Variants in AMY2B observed in about 807,000 individuals in gnomAD.
AMY2B encodes the protein amylase alpha 2B, also known as alpha-amylase 2B.
AMY2B carries 63 observed loss-of-function variants against 59.3 expected under a neutral mutation model. The ratio of observed to expected loss-of-function variants is 1.06; its 90% CI spans 0.87 to 1.31. The LOEUF (loss-of-function observed/expected upper bound fraction) is 1.31. Among genes scored for constraint, AMY2B ranks in the 50% most tolerant of loss-of-function variants. The pLI, the probability that AMY2B is intolerant of heterozygous loss-of-function variation, is 0.00. For missense variants in AMY2B, 635 were observed against 626.7 expected (o/e 1.01, Z -0.14); for synonymous variants, 180 against 198.1 (o/e 0.91, Z 0.77).
chr1:103,559,272 A>G (rs1173182796), intron 1 of AMY2B, among the ~76,000 whole-genome samples: 1 of 152,224 alleles, frequency 6.6e-6, no homozygotes, highest in Non-Finnish European at 1.5e-5. Flanking sequence ...TAGGTACACA[A>G]GTACACTGTG....
upstream of AMY2B, among the ~76,000 whole-genome samples, chr1:103,566,958 T>C (rs939880866): frequency 2.1e-4 from 32 of 152,186 alleles, no homozygotes; most frequent in African/African-American, 7.7e-4. Context: ...TAAGACAATG[T>C]CAATCATTTT....
At chr1:103,575,406 G>C in intron 6 of AMY2B, 35 bp from the exon 7 acceptor site, 2 of 1,612,832 alleles carry the variant, frequency 1.2e-6, no homozygotes, top group Non-Finnish European at 1.7e-6. Context: ...ATGATATTCT[G>C]ATATTCTGTG....
upstream of AMY2B, among the ~76,000 whole-genome samples, chr1:103,566,682 T>C (rs898402532): frequency 9.2e-5 from 14 of 152,150 alleles, no homozygotes; most frequent in Admixed American, 3.3e-4. Context: ...GTACAGAGAA[T>C]GTTGACTTGC....
At chr1:103,578,200 T>A (rs979244574) in intron 9 of AMY2B, among the ~76,000 whole-genome samples, 2 of 152,240 alleles carry the variant, frequency 1.3e-5, no homozygotes, top group African/African-American at 4.8e-5. Context: ...TATTCCTGTT[T>A]TTTTAATCAT....
At chr1:103,559,355 C>A (rs1651661313) in intron 1 of AMY2B, among the ~76,000 whole-genome samples, 1 of 152,104 alleles carries the variant, frequency 6.6e-6, no homozygotes, top group South Asian at 2.1e-4. Context: ...TAGGCTATGC[C>A]ATCTACGTTT....
intron 1 of AMY2B, among the ~76,000 whole-genome samples, chr1:103,556,406 GAAAAT>G (rs1188091639): frequency 6.6e-6 from 1 of 152,108 alleles, no homozygotes; most frequent in African/African-American, 2.4e-5. Flanking sequence ...AGTGAAGTGA[GAAAAT>G]AAAGAAGGTT....
At position 103,575,248 on chromosome 1, in the gene AMY2B, A is replaced by C. The variant is rs906883671; in HGVS notation, c.904A>C (p.Met302Leu). ...GAACTGGGGAGAAGGTTGGGGTTTC[A>C]TGCCTTCTGACAGAGCACTTGTCTT... ...LKNWGEGWGF[M>L]PSDRALVFVD... Residue 302 changes from methionine (M) to leucine (L), a missense_variant, in exon 6 of 10, where the codon ATG (methionine) becomes CTG (leucine). Physicochemically the swap from Met to Leu is conservative, Grantham distance 15. Coordinates refer to ENST00000684275, the MANE Select transcript of AMY2B (RefSeq NM_001387437.1). The C allele has an allele frequency of 1.2e-6, 2 of 1,613,510 alleles. No individual in the cohort carries two copies. The highest frequency in any genetic ancestry group is 1.3e-5 in the African/African-American group (1 of 74,888).
intron 5 of AMY2B, among the ~76,000 whole-genome samples, 154 bp downstream of exon 5, chr1:103,574,547 T>C (rs1368664333): frequency 2.6e-5 from 4 of 152,202 alleles, no homozygotes; most frequent in Non-Finnish European, 5.9e-5. Context: ...CTCTAATCAA[T>C]CATCTTTTGT....
Position 103,573,737 on chromosome 1 carries a change from T to G in AMY2B, c.543T>G (p.Leu181=). 1 of 1,613,824 alleles carries G rather than the reference T, an allele frequency of 6.2e-7. No homozygotes were observed. Among genetic ancestry groups the G allele is most frequent in the Non-Finnish European group, 8.5e-7 (1 of 1,179,724 alleles). The change falls in exon 4 of 10, where the codon CTT becomes CTG. Residue 181 remains leucine, a synonymous_variant. Coordinates refer to ENST00000684275, the MANE Select transcript of AMY2B (RefSeq NM_001387437.1). ...QVRDCRLVGL[L]DLALEKDYVR... ...GAGATTGTCGTCTGGTTGGTCTTCT[T>G]GATCTTGCACTGGAGAAAGATTATG...
chr1:103,571,447 T>C, upstream of AMY2B: 1 of 1,448,438 alleles, frequency 6.9e-7, no homozygotes, highest in Non-Finnish European at 9.3e-7. Flanking sequence ...TTTAATGTTC[T>C]TCTCCTGTTA....
At chr1:103,574,450 C>T in intron 5 of AMY2B, 57 bp downstream of exon 5, 5 of 1,606,222 alleles carry the variant, frequency 3.1e-6, no homozygotes, top group Non-Finnish European at 3.4e-6. Flanking sequence ...GTCATAGTAC[C>T]CCAGTGTGAG....
chr1:103,567,683 T>G (rs1651957003), upstream of AMY2B, among the ~76,000 whole-genome samples: 1 of 152,170 alleles, frequency 6.6e-6, no homozygotes, highest in African/African-American at 2.4e-5. Context: ...CTTTTAAAGT[T>G]TATTAGTCTT....
intron 9 of AMY2B, 70 bp from the exon 10 acceptor site, chr1:103,579,241 G>C (rs1652479944): frequency 6.2e-7 from 1 of 1,610,664 alleles, no homozygotes; most frequent in Non-Finnish European, 8.5e-7. Flanking sequence ...AAGTTATGCT[G>C]TTTAGTTGTG....
intron 1 of AMY2B, 70 bp downstream of exon 1, chr1:103,571,840 C>G: frequency 6.2e-7 from 1 of 1,611,410 alleles, no homozygotes; most frequent in Non-Finnish European, 8.5e-7. Context: ...TGATCTTATC[C>G]GTGAAGCTTA....
intron 1 of AMY2B, among the ~76,000 whole-genome samples, chr1:103,557,165 CACACACAT>C (rs1651582906): frequency 6.6e-6 from 1 of 151,938 alleles, no homozygotes; most frequent in Non-Finnish European, 1.5e-5. Flanking sequence ...CACACACACA[CACACACAT>C]ACATACATAC....
chr1:103,573,053 T>G lies in AMY2B; in HGVS notation c.316-10T>G. On this transcript the variant is annotated splice_polypyrimidine_tract_variant and intron_variant, in intron 2 of 9. Transcript: ENST00000684275. The stretch of plus-strand genomic sequence containing the variant: ...GTAAGTCACACTGAAGTAGAAACTT[T>G]GCTTTCTAGGTTCGTATTTATGTGG... The G allele has an allele frequency of 6.2e-7, 1 of 1,613,216 alleles. No homozygotes were observed.
At chr1:103,573,998 A>T in intron 4 of AMY2B, 60 bp downstream of exon 4, 1 of 1,611,978 alleles carries the variant, frequency 6.2e-7, no homozygotes, top group Non-Finnish European at 8.5e-7. Context: ...ATAATGGCAG[A>T]TTTAATTAAA....
In AMY2B at chr1:103,571,660, A is replaced by C; in HGVS notation, c.58A>C (p.Asn20His). 1 of 1,611,922 alleles carries C rather than the reference A, an allele frequency of 6.2e-7. No homozygotes were observed. The highest frequency in any genetic ancestry group is 8.5e-7 in the Non-Finnish European group (1 of 1,179,812). The change falls in exon 1 of 10, where the codon AAT becomes CAT. Residue 20 changes from asparagine to histidine, a missense_variant. By Grantham distance (68) the Asn-to-His change is moderately conservative. Transcript: ENST00000684275. ...IGFCWAQYSP[N>H]TQQGRTSIVH... is the part of the protein sequence containing the mutation. The stretch of plus-strand genomic sequence containing the variant: ...GTTCTGCTGGGCTCAGTATTCCCCA[A>C]ATACACAACAAGGACGGACATCTAT...
At chr1:103,556,028 G>A (rs72999290) in intron 1 of AMY2B, among the ~76,000 whole-genome samples, 3,794 of 152,208 alleles carry the variant, frequency 0.025, 161 homozygotes, top group African/African-American at 0.087. Context: ...CTAGATGTCG[G>A]TAGTTCAGTA....
Sources: allele counts gnomAD v4.1 joint callset (sites outside exome capture counted in the v4.1 genomes callset), GRCh38; gene constraint gnomAD v4.1.1; transcripts MANE v1.5; gene names NCBI Gene and HGNC (gene_info 2026-07-23, HGNC 2026-07-21).